ZCCHC9: variants seen among roughly 807,000 people sequenced by gnomAD.
ZCCHC9 encodes the protein zinc finger CCHC-type containing 9, also known as zinc finger CCHC domain-containing protein 9.
ZCCHC9 carries 18 observed loss-of-function variants against 30.8 expected under a neutral mutation model. The ratio of observed to expected loss-of-function variants is 0.58; its 90% CI spans 0.40 to 0.87. ZCCHC9 has a LOEUF of 0.87. Ranked by LOEUF, ZCCHC9 falls within the 40% of genes least tolerant of loss-of-function variation. The pLI is 0.00. For missense variants in ZCCHC9, 279 were observed against 331.2 expected (o/e 0.84, Z 1.22); for synonymous variants, 94 against 106.7 (o/e 0.88, Z 0.73).
intron 4 of ZCCHC9, 128 bp from the exon 5 acceptor site, chr5:81,311,083 G>T (rs977281217): frequency 1.0e-5 from 9 of 889,666 alleles, no homozygotes; most frequent in Non-Finnish European, 1.7e-5. Context: ...ACCTCCCTAT[G>T]ATCCTGGTCT....
chr5:81,312,763 T>C lies in ZCCHC9; in HGVS notation c.*101T>C. ...AGCTCCCCTGTAGCCAGGACTATGC[T>C]GTAGATATCAGTATGATCTGGGTGT... is the stretch of plus-strand genomic sequence containing the variant. On this transcript the variant is annotated 3_prime_UTR_variant, in exon 6 of 6. Transcript: ENST00000407610. 1.2e-6 allele frequency: 1 copy of C among 819,628 alleles called. No homozygotes were observed. Among genetic ancestry groups the C allele is most frequent in the Non-Finnish European group, 2.0e-6 (1 of 499,688 alleles). 50.8% of individuals were successfully genotyped at this position (819,628 alleles called of 1,614,324 possible).
At chr5:81,303,490 A>C (rs1028672168) in intron 1 of ZCCHC9, 1 of 152,364 alleles carries the variant, frequency 6.6e-6, no homozygotes. Flanking sequence ...CATTGTGCCT[A>C]CACCGGGTCA....
intron 4 of ZCCHC9, among the ~76,000 whole-genome samples, 182 bp from the exon 5 acceptor site, chr5:81,311,029 G>A (rs1166476061): frequency 6.6e-6 from 1 of 152,212 alleles, no homozygotes; most frequent in Admixed American, 6.5e-5. Context: ...TTAGTGCTCT[G>A]TGAGGTTAAA....
Position 81,311,205 on chromosome 5 carries a change from C to T in ZCCHC9, c.629-6C>T, listed in dbSNP as rs777760144. 5 of 1,614,034 alleles carry T rather than the reference C, an allele frequency of 3.1e-6. No individual in the cohort carries two copies. The highest frequency in any genetic ancestry group is 4.2e-6 in the Non-Finnish European group (5 of 1,179,928). ...ATGGTATTCAGTGGCTTTGCTCTTT[C>T]AATAGGTGGCGGTTGCAAACTTTGT... On this transcript the variant is annotated splice_region_variant and splice_polypyrimidine_tract_variant and intron_variant, in intron 4 of 5. Coordinates refer to ENST00000407610, the MANE Select transcript of ZCCHC9 (RefSeq NM_001131035.2).
At position 81,304,891 on chromosome 5, in the gene ZCCHC9, A is replaced by G; in HGVS notation, c.134A>G (p.Asn45Ser). 1 of 1,614,206 alleles carries G rather than the reference A, an allele frequency of 6.2e-7. No homozygotes were observed. The highest frequency in any genetic ancestry group is 2.2e-5 in the East Asian group (1 of 44,866). The change falls in exon 2 of 6, where the codon AAT becomes AGT. Residue 45 changes from asparagine (N) to serine (S), a missense_variant. Asn to Ser is a conservative substitution (Grantham distance 46). Coordinates refer to ENST00000407610, the MANE Select transcript of ZCCHC9 (RefSeq NM_001131035.2). The stretch of plus-strand genomic sequence containing the variant: ...CCAAAGCGTAAACAACTTGAAGCCA[A>G]TAGGCTATCCCTCAAAAATGATGCA... ...NLPKRKQLEA[N>S]RLSLKNDAPQ...
At chr5:81,308,501 G>T in intron 2 of ZCCHC9, 60 bp from the exon 3 acceptor site, 2 of 1,459,186 alleles carry the variant, frequency 1.4e-6, no homozygotes, top group South Asian at 1.5e-5. Flanking sequence ...TTGATAACAA[G>T]AATTAATAAA....
At chr5:81,305,197 A>G (rs1758055235) in intron 2 of ZCCHC9, 56 bp downstream of exon 2, 1 of 1,533,086 alleles carries the variant, frequency 6.5e-7, no homozygotes, top group Non-Finnish European at 8.7e-7. Context: ...AACTATTCTT[A>G]TATTCACACA....
intron 2 of ZCCHC9, among the ~76,000 whole-genome samples, chr5:81,307,610 G>C (rs935483378): frequency 6.6e-6 from 1 of 151,934 alleles, no homozygotes. Context: ...CCGAGATCAC[G>C]CCACTGCACT....
At chr5:81,311,638 C>T (rs1314329782) in intron 5 of ZCCHC9, among the ~76,000 whole-genome samples, 1 of 152,124 alleles carries the variant, frequency 6.6e-6, no homozygotes, top group Admixed American at 6.5e-5. Flanking sequence ...TTTCAATAGC[C>T]TTAATATTGA....
At chr5:81,309,081 G>T (rs117479865) in intron 4 of ZCCHC9, 43 bp downstream of exon 4, 1 of 1,419,988 alleles carries the variant, frequency 7.0e-7, no homozygotes, top group Non-Finnish European at 9.6e-7. Context: ...GTGAGTCATC[G>T]TGCAGTTGTG....
At chr5:81,311,751 C>T (rs1290875120) in intron 5 of ZCCHC9, among the ~76,000 whole-genome samples, 1 of 152,164 alleles carries the variant, frequency 6.6e-6, no homozygotes, top group South Asian at 2.1e-4. Flanking sequence ...CAGTATCTGG[C>T]GATTTTCTTC....
intron 1 of ZCCHC9, chr5:81,302,200 G>C (rs1580487765): frequency 6.6e-6 from 1 of 152,630 alleles, no homozygotes; most frequent in Admixed American, 6.5e-5. Flanking sequence ...GGCCGGGCGC[G>C]GTGGCTCACG....
intron 4 of ZCCHC9, among the ~76,000 whole-genome samples, chr5:81,310,157 T>TAAAAAAAAAAAAAAAAAAAA (rs71000814): frequency 5.7e-5 from 6 of 104,758 alleles, no homozygotes; most frequent in East Asian, 3.1e-4. Context: ...TGACTAGCTG[T>TAAAAAAAAAAAAAAAAAAAA]AAAAAAAAAA....
At chr5:81,303,150 T>C (rs6871676) in intron 1 of ZCCHC9, 70,399 of 151,960 alleles carry the variant, frequency 0.46, 17,155 homozygotes, top group Admixed American at 0.58. Context: ...CTGCCTCAGC[T>C]TCCCAGGTGG....
chr5:81,312,500 G>C (rs964933310), intron 5 of ZCCHC9, 44 bp from the exon 6 acceptor site: 1 of 1,488,296 alleles, frequency 6.7e-7, no homozygotes, highest in Non-Finnish European at 9.3e-7. Flanking sequence ...GGATGCATTT[G>C]ATTACTGTTT....
chr5:81,304,744 C>T lies in ZCCHC9; in HGVS notation c.-14C>T. On this transcript the variant is annotated 5_prime_UTR_variant, in exon 2 of 6. Transcript: ENST00000407610. The stretch of plus-strand genomic sequence containing the variant: ...GCTTGTCTTAAAAATTGATAAGGTA[C>T]CACTGATGAAATTATGACCAGGTGG... The T allele has an allele frequency of 6.4e-7, 1 of 1,560,150 alleles. No individual in the cohort carries two copies. The highest frequency in any genetic ancestry group is 8.6e-7 in the Non-Finnish European group (1 of 1,157,252).
chr5:81,306,531 G>A (rs775808320), intron 2 of ZCCHC9, among the ~76,000 whole-genome samples: 9 of 152,160 alleles, frequency 5.9e-5, no homozygotes, highest in Non-Finnish European at 1.3e-4. Context: ...TGTTATGACC[G>A]CTTAAGAAAA....
Position 81,312,677 on chromosome 5 carries a change from A to G in ZCCHC9, c.*15A>G. On this transcript the variant is annotated 3_prime_UTR_variant, in exon 6 of 6. Coordinates refer to ENST00000407610, the MANE Select transcript of ZCCHC9 (RefSeq NM_001131035.2). ...TTAATTTTTGATAACAGCTAGCACT[A>G]TCATGAGTTACTACCTCATTGTTAC... The G allele has an allele frequency of 6.4e-7, 1 of 1,564,978 alleles. No individual in the cohort carries two copies.
intron 4 of ZCCHC9, among the ~76,000 whole-genome samples, chr5:81,310,683 G>C (rs1479715412): frequency 6.6e-6 from 1 of 152,176 alleles, no homozygotes; most frequent in African/African-American, 2.4e-5. Context: ...CATTTTTATA[G>C]GGTTAGGGTG....
Sources: allele counts gnomAD v4.1 joint callset (sites outside exome capture counted in the v4.1 genomes callset), GRCh38; gene constraint gnomAD v4.1.1; transcripts MANE v1.5; gene names NCBI Gene and HGNC (gene_info 2026-07-23, HGNC 2026-07-21).